TECTB: variants seen among roughly 807,000 people sequenced by gnomAD.
TECTB encodes beta-tectorin.
Under a neutral mutation model 43.3 loss-of-function variants are expected in TECTB, and 45 were observed. The observed-to-expected ratio is 1.04, with a 90% CI of 0.82 to 1.33. TECTB has a LOEUF of 1.33. Among genes scored for constraint, TECTB ranks in the 40% most tolerant of loss-of-function variants. TECTB has a pLI of 0.00. For synonymous variants in TECTB, 169 were observed against 156.7 expected, an observed-to-expected ratio of 1.08 and a Z score of -0.59; for missense variants, 399 against 404.7, an observed-to-expected ratio of 0.99 and a Z score of 0.12.
Position 112,299,562 on chromosome 10 carries a change from G to C in TECTB, c.905G>C (p.Arg302Pro), listed in dbSNP as rs565215339. 2 of 1,582,584 alleles carry C rather than the reference G, an allele frequency of 1.3e-6. No homozygotes were observed. Among genetic ancestry groups the C allele is most frequent in the Non-Finnish European group, 1.7e-6 (2 of 1,169,046 alleles). The change falls in exon 9 of 11, where the codon CGG (arginine) becomes CCG (proline). Residue 302 changes from arginine to proline, a missense_variant and splice_region_variant. Coordinates refer to ENST00000646139, the MANE Select transcript of TECTB (RefSeq NM_058222.3). ...GTCCTGGTCGTGGAGCTCTCCCTGC[G>C]GAGTAAGCGTCTCTGTTTTCCTCTG... ...GGVLVVELSLRSRGFSSLYSF... is the reference protein window; with the variant it reads ...GGVLVVELSLPSRGFSSLYSF...
At chr10:112,300,283 GAAA>G (rs1848594894) in intron 9 of TECTB, among the ~76,000 whole-genome samples, 1 of 45,366 alleles carries the variant, frequency 2.2e-5, no homozygotes, top group Non-Finnish European at 4.6e-5. Flanking sequence ...AGAAAGAAAA[GAAA>G]GAAAGAAAGA....
At chr10:112,303,241 T>C (rs1848627215) in intron 10 of TECTB, 22 bp from the exon 11 acceptor site, 1 of 1,613,866 alleles carries the variant, frequency 6.2e-7, no homozygotes, top group South Asian at 1.1e-5. Flanking sequence ...GAGTGCCATC[T>C]CCCTCCCCTT....
intron 9 of TECTB, 50 bp downstream of exon 9, chr10:112,299,614 G>A (rs1253367880): frequency 6.3e-7 from 1 of 1,597,072 alleles, no homozygotes; most frequent in South Asian, 1.1e-5. Context: ...GTTCACGCTG[G>A]GCTGCGTCCA....
intron 7 of TECTB, among the ~76,000 whole-genome samples, chr10:112,297,564 G>GT (rs1355058999): frequency 1.3e-5 from 2 of 152,070 alleles, no homozygotes; most frequent in Non-Finnish European, 1.5e-5. Context: ...TTTTACAAAA[G>GT]TAACTATGTA....
chr10:112,293,316 AAC>A (rs148095980), intron 5 of TECTB, among the ~76,000 whole-genome samples: 26,000 of 152,202 alleles, frequency 0.17, 2,470 homozygotes, highest in East Asian at 0.31. Context: ...TACACTTCCC[AAC>A]CCACGCTGAA....
In TECTB at chr10:112,304,489, C is replaced by T. The variant is rs1307262984; in HGVS notation, c.*1177C>T. On this transcript the variant is annotated 3_prime_UTR_variant, in exon 11 of 11. Transcript: ENST00000646139. The stretch of plus-strand genomic sequence containing the variant: ...GTCAACAAAATACAAACTGAATGAA[C>T]CAATTCTGGTAGAGAATTGGCTGGA... The T allele has an allele frequency of 6.6e-6, 1 of 152,134 alleles. No homozygotes were observed. Among genetic ancestry groups the T allele is most frequent in the African/African-American group, 2.4e-5 (1 of 41,430 alleles). The allele number at this position is 152,134 out of a possible 1,614,324, so 9.4% of individuals were successfully genotyped here. A position where few individuals can be genotyped will look rare whatever the true frequency, so the allele number is the denominator to read the frequency against.
At chr10:112,300,317 A>G (rs1017246880) in intron 9 of TECTB, among the ~76,000 whole-genome samples, 3 of 120,162 alleles carry the variant, frequency 2.5e-5, no homozygotes, top group East Asian at 3.1e-4. Context: ...GAAAGAAAGA[A>G]AGAGAAAGAA....
chr10:112,285,932 T>A (rs570505613), intron 3 of TECTB, 139 bp from the exon 4 acceptor site: 8 of 1,070,714 alleles, frequency 7.5e-6, no homozygotes, highest in Non-Finnish European at 9.6e-6. Flanking sequence ...ACAAGAAGAG[T>A]GGATGCCACC....
chr10:112,290,959 C>T (rs1016615267), intron 5 of TECTB, among the ~76,000 whole-genome samples: 2 of 152,124 alleles, frequency 1.3e-5, no homozygotes, highest in Non-Finnish European at 2.9e-5. Flanking sequence ...GTGTGTTTGA[C>T]ATGTGAGGGG....
intron 9 of TECTB, among the ~76,000 whole-genome samples, chr10:112,301,521 C>T (rs559511254): frequency 6.6e-6 from 1 of 152,194 alleles, no homozygotes; most frequent in East Asian, 1.9e-4. Flanking sequence ...TGCACTGCAA[C>T]TACAGGTGGA....
At chr10:112,302,642 C>G (rs1006134049) in intron 10 of TECTB, 3 of 257,398 alleles carry the variant, frequency 1.2e-5, no homozygotes, top group Non-Finnish European at 2.2e-5. Flanking sequence ...CAATGCCCAG[C>G]AAACAGCAAA....
Position 112,288,731 on chromosome 10 carries a change from A to G in TECTB, c.483+2340A>G, listed in dbSNP as rs151329144. On this transcript the variant is annotated intron_variant, in intron 5 of 10. Transcript: ENST00000646139. The stretch of plus-strand genomic sequence containing the variant: ...AACACAATGGAATCAATGCACTGCT[A>G]ATTGCTTAGGATCCTGAGAGCTTCA... 3.5e-3 allele frequency among the ~76,000 whole-genome samples: 540 copies of G among 152,274 alleles called. 3 individuals are homozygous for G. The highest frequency in any genetic ancestry group is 0.013 in the African/African-American group (524 of 41,560).
chr10:112,302,066 T>C, intron 9 of TECTB, 35 bp from the exon 10 acceptor site: 1 of 1,612,016 alleles, frequency 6.2e-7, no homozygotes. Flanking sequence ...TGATCTTTTC[T>C]TAAACTTTCT....
rs1848617434 is a variant in TECTB at position 112,302,152 on chromosome 10, T to C, written c.940+19T>C. The stretch of plus-strand genomic sequence containing the variant: ...TTCTCAGGTAAGGAAAAGAGACACT[T>C]CTGGGATTTCGTGGGGCTATGCTGT... On this transcript the variant is annotated intron_variant, in intron 10 of 10. Coordinates refer to ENST00000646139, the MANE Select transcript of TECTB (RefSeq NM_058222.3). 1.2e-6 allele frequency: 2 copies of C among 1,613,888 alleles called. No individual in the cohort carries two copies. Among genetic ancestry groups the C allele is most frequent in the African/African-American group, 2.7e-5 (2 of 75,038 alleles).
intron 9 of TECTB, among the ~76,000 whole-genome samples, chr10:112,300,279 AAAAGAAAG>A (rs71303596): frequency 0.015 from 737 of 48,362 alleles, 23 homozygotes; most frequent in African/African-American, 0.016. Flanking sequence ...AGAAAGAAAG[AAAAGAAAG>A]AAAGAAAGAA....
intron 10 of TECTB, 153 bp from the exon 11 acceptor site, chr10:112,303,110 T>G: frequency 1.2e-6 from 1 of 822,954 alleles, no homozygotes; most frequent in Non-Finnish European, 2.0e-6. Context: ...CTGATAAATG[T>G]GAGCTACAGA....
At chr10:112,284,910 A>T (rs1007144174) in intron 3 of TECTB, among the ~76,000 whole-genome samples, 185 bp downstream of exon 3, 3 of 152,340 alleles carry the variant, frequency 2.0e-5, no homozygotes, top group Admixed American at 6.5e-5. Flanking sequence ...CCTAGTTTAG[A>T]TAACTCTTTT....
At chr10:112,283,920 C>T (rs1168649454) in intron 2 of TECTB, 110 bp downstream of exon 2, 1 of 1,207,752 alleles carries the variant, frequency 8.3e-7, no homozygotes, top group Non-Finnish European at 1.2e-6. Flanking sequence ...AATGATGTAG[C>T]CAAGCAGGAA....
chr10:112,292,093 G>A (rs1420205406), intron 5 of TECTB, among the ~76,000 whole-genome samples: 8 of 149,688 alleles, frequency 5.3e-5, no homozygotes, highest in African/African-American at 1.2e-4. Flanking sequence ...CCGAGATCGC[G>A]CCACTGCACT....
Sources: gnomAD v4.1 joint callset for allele counts (sites outside exome capture counted in the v4.1 genomes callset) on GRCh38, gnomAD v4.1.1 for gene constraint, MANE v1.5 for transcripts, NCBI Gene and HGNC (gene_info 2026-07-23, HGNC 2026-07-21) for gene names.